SGCZ: variants seen among roughly 807,000 people sequenced by gnomAD.
The protein encoded by SGCZ is zeta-sarcoglycan.
In SGCZ, 40 loss-of-function variants were observed where a neutral mutation model predicts 41.3. The observed-to-expected ratio is 0.97, with a 90% confidence interval of 0.75 to 1.26. SGCZ has a LOEUF of 1.26. Among genes scored for constraint, SGCZ ranks in the 50% most tolerant of loss-of-function variants. The pLI, the probability that SGCZ is intolerant of heterozygous loss-of-function variation, is 0.00. For synonymous variants in SGCZ, 206 were observed against 137.5 expected (o/e 1.50, Z -3.49); for missense variants, 552 against 369.8 (o/e 1.49, Z -4.04).
chr8:14,673,311 T>C (rs11203659), intron 1 of SGCZ, among the ~76,000 whole-genome samples: 80,901 of 151,988 alleles, frequency 0.53, 22,855 homozygotes, highest in East Asian at 0.74. Flanking sequence ...GGGAGGTGAT[T>C]GTATCATGGG....
intron 1 of SGCZ, among the ~76,000 whole-genome samples, chr8:14,580,102 C>T (rs192451462): frequency 8.5e-5 from 13 of 152,056 alleles, no homozygotes; most frequent in African/African-American, 2.2e-4. Context: ...GGAAAGGTCC[C>T]GGAGAAAGAC....
intron 1 of SGCZ, among the ~76,000 whole-genome samples, chr8:14,696,733 G>T (rs1808975394): frequency 6.6e-6 from 1 of 151,586 alleles, no homozygotes; most frequent in Non-Finnish European, 1.5e-5. Flanking sequence ...ATTGTATGCT[G>T]CCTTTAACAT....
intron 3 of SGCZ, among the ~76,000 whole-genome samples, chr8:14,290,366 A>G (rs2116942910): frequency 6.6e-6 from 1 of 152,214 alleles, no homozygotes; most frequent in East Asian, 1.9e-4. Context: ...AAGCTTCTGC[A>G]CAGCAAGAAA....
At chr8:14,769,816 C>CAAAACAAAAAAAAAAAAAAAA (rs1800174947) in intron 1 of SGCZ, among the ~76,000 whole-genome samples, 1 of 91,218 alleles carries the variant, frequency 1.1e-5, no homozygotes, top group Non-Finnish European at 1.9e-5. Flanking sequence ...AAAAAAAAAA[C>CAAAACAAAAAAAAAAAAAAAA]CCAGCAACAA....
chr8:15,181,101 A>G (rs1297810638), intron 1 of SGCZ, among the ~76,000 whole-genome samples: 1 of 152,166 alleles, frequency 6.6e-6, no homozygotes, highest in Non-Finnish European at 1.5e-5. Flanking sequence ...GAAAAAAGAA[A>G]TCCAAGAACT....
intron 1 of SGCZ, among the ~76,000 whole-genome samples, chr8:14,593,623 G>C (rs1805310336): frequency 6.6e-6 from 1 of 151,128 alleles, no homozygotes; most frequent in Admixed American, 6.6e-5. Flanking sequence ...CAAAATATTA[G>C]GAAGCCTTGT....
intron 2 of SGCZ, among the ~76,000 whole-genome samples, chr8:14,540,615 C>T (rs1803436580): frequency 6.6e-6 from 1 of 151,768 alleles, no homozygotes; most frequent in Non-Finnish European, 1.5e-5. Context: ...GCAACTTGAT[C>T]ACATTTTCAC....
chr8:14,347,239 A>G (rs1032364441), intron 2 of SGCZ, among the ~76,000 whole-genome samples: 2 of 152,132 alleles, frequency 1.3e-5, no homozygotes, highest in African/African-American at 4.8e-5. Context: ...TTGAGCTAAT[A>G]CGAGTGTGGC....
intron 2 of SGCZ, among the ~76,000 whole-genome samples, chr8:14,416,865 G>C (rs113282880): frequency 2.6e-5 from 4 of 151,930 alleles, no homozygotes; most frequent in African/African-American, 9.6e-5. Flanking sequence ...GAGTATAAAA[G>C]TGCTTACTAA....
At chr8:14,919,936 T>A (rs559979320) in intron 1 of SGCZ, among the ~76,000 whole-genome samples, 72 of 152,282 alleles carry the variant, frequency 4.7e-4, no homozygotes, top group African/African-American at 1.7e-3. Flanking sequence ...TGTTTTGTTT[T>A]GTTTTAAAGA....
intron 3 of SGCZ, among the ~76,000 whole-genome samples, chr8:14,282,585 C>T (rs895876476): frequency 6.6e-6 from 1 of 152,250 alleles, no homozygotes; most frequent in South Asian, 2.1e-4. Flanking sequence ...TCCACTCTTC[C>T]TCAGCCAACT....
intron 4 of SGCZ, among the ~76,000 whole-genome samples, chr8:14,223,269 C>G (rs1428842429): frequency 6.6e-6 from 1 of 152,060 alleles, no homozygotes; most frequent in Non-Finnish European, 1.5e-5. Flanking sequence ...TTGGTGCACA[C>G]TATTAAATTT....
intron 2 of SGCZ, among the ~76,000 whole-genome samples, chr8:14,520,089 A>G (rs1440839552): frequency 6.6e-6 from 1 of 152,154 alleles, no homozygotes; most frequent in East Asian, 1.9e-4. Flanking sequence ...TTCCACAATG[A>G]CAAGCTATAG....
At chr8:14,416,117 C>G (rs1324910650) in intron 2 of SGCZ, among the ~76,000 whole-genome samples, 1 of 151,922 alleles carries the variant, frequency 6.6e-6, no homozygotes, top group African/African-American at 2.4e-5. Context: ...AGCAGAGGTG[C>G]TGGCTTTAGG....
Position 14,359,815 on chromosome 8 carries a change from GAA to G in SGCZ, c.235-35613_235-35612del, listed in dbSNP as rs1258410378. On this transcript the variant is annotated intron_variant, in intron 2 of 7. Transcript: ENST00000382080. ...GCTAGTATTGCCTAATACAAAAAAA[GAA>G]AAAAAAAAAAAACAAATATCCCGGA... 8.2e-5 allele frequency among the ~76,000 whole-genome samples: 9 copies of G among 109,488 alleles called. No homozygotes were observed. The East Asian group carries it at 1.3e-3, about 16-fold the overall frequency. The allele number at this position is 109,488 out of a possible 152,430, so 71.8% of individuals were successfully genotyped here.
intron 1 of SGCZ, among the ~76,000 whole-genome samples, chr8:14,994,837 T>C (rs1802157977): frequency 6.6e-6 from 1 of 152,162 alleles, no homozygotes; most frequent in African/African-American, 2.4e-5. Flanking sequence ...TTATACACGT[T>C]TTTTCTTAAA....
intron 3 of SGCZ, among the ~76,000 whole-genome samples, chr8:14,243,155 T>G (rs183267018): frequency 2.1e-4 from 32 of 152,332 alleles, no homozygotes; most frequent in African/African-American, 7.7e-4. Flanking sequence ...CTACTTGGTA[T>G]TCTGAAAGAA....
intron 7 of SGCZ, among the ~76,000 whole-genome samples, chr8:14,092,317 A>G (rs1000477697): frequency 6.6e-6 from 1 of 152,094 alleles, no homozygotes; most frequent in Non-Finnish European, 1.5e-5. Context: ...TTTTGGTTCC[A>G]TATGAAATTT....
chr8:15,003,411 T>C (rs949921157), intron 1 of SGCZ, among the ~76,000 whole-genome samples: 2 of 152,170 alleles, frequency 1.3e-5, no homozygotes, highest in Admixed American at 6.5e-5. Flanking sequence ...ACCTCCGGAA[T>C]TGGCAACCCT....
Sources: allele counts gnomAD v4.1 joint callset (sites outside exome capture counted in the v4.1 genomes callset), GRCh38; gene constraint gnomAD v4.1.1; transcripts MANE v1.5; gene names NCBI Gene and HGNC (gene_info 2026-07-23, HGNC 2026-07-21).